TTC17: variants seen among roughly 807,000 people sequenced by gnomAD.
TTC17 encodes the protein tetratricopeptide repeat protein 17.
Under a neutral mutation model 143.8 loss-of-function variants are expected in TTC17, and 58 were observed. The observed-to-expected ratio is 0.40, with a 90% CI of 0.33 to 0.50. The LOEUF (loss-of-function observed/expected upper bound fraction) is 0.50, where lower values mean the gene tolerates loss of function less well. TTC17 is among the 20% of genes least tolerant of loss of function. The pLI is 0.49. For missense variants in TTC17, 1,273 were observed against 1,392.5 expected (o/e 0.91, Z 1.37); for synonymous variants, 501 against 497.8 (o/e 1.01, Z -0.09).
chr11:43,377,365 A>G (rs951000287), intron 1 of TTC17, among the ~76,000 whole-genome samples: 1 of 152,208 alleles, frequency 6.6e-6, no homozygotes, highest in African/African-American at 2.4e-5. Context: ...CTGAAATGTT[A>G]TTTGGCATAT....
intron 1 of TTC17, 109 bp downstream of exon 1, chr11:43,359,222 C>A: frequency 7.4e-7 from 1 of 1,355,152 alleles, no homozygotes; most frequent in Non-Finnish European, 9.7e-7. Context: ...CCAGCCTACC[C>A]TCACAGGGAG....
At chr11:43,458,281 T>C (rs1224092355) in intron 21 of TTC17, among the ~76,000 whole-genome samples, 1 of 152,162 alleles carries the variant, frequency 6.6e-6, no homozygotes, top group East Asian at 1.9e-4. Context: ...GCTCCATCTC[T>C]ACATGGTCTC....
chr11:43,371,371 C>T (rs1247979730), intron 1 of TTC17, among the ~76,000 whole-genome samples: 2 of 152,202 alleles, frequency 1.3e-5, no homozygotes, highest in East Asian at 3.8e-4. Context: ...AGTTGGGGCT[C>T]CCATAGCTGC....
chr11:43,480,018 C>T (rs374541088), intron 21 of TTC17, among the ~76,000 whole-genome samples: 1 of 152,186 alleles, frequency 6.6e-6, no homozygotes, highest in African/African-American at 2.4e-5. Context: ...TCCCTTCTCC[C>T]TCTTGCCTTC....
At chr11:43,475,718 A>C (rs759398128) in intron 21 of TTC17, among the ~76,000 whole-genome samples, 1 of 152,234 alleles carries the variant, frequency 6.6e-6, no homozygotes, top group Non-Finnish European at 1.5e-5. Flanking sequence ...TGAGCATTTC[A>C]GTTATCACGT....
intron 21 of TTC17, among the ~76,000 whole-genome samples, chr11:43,469,229 G>A (rs1441238808): frequency 6.6e-6 from 1 of 152,202 alleles, no homozygotes; most frequent in Non-Finnish European, 1.5e-5. Context: ...ACAAATGTTG[G>A]AGAGGATGTG....
At chr11:43,381,171 T>C (rs760258112) in intron 2 of TTC17, among the ~76,000 whole-genome samples, 8 of 152,188 alleles carry the variant, frequency 5.3e-5, no homozygotes, top group African/African-American at 1.9e-4. Flanking sequence ...TTTATACTTA[T>C]ACTAAATATA....
intron 21 of TTC17, among the ~76,000 whole-genome samples, chr11:43,482,285 A>G (rs1027637796): frequency 4.6e-5 from 7 of 150,712 alleles, no homozygotes; most frequent in African/African-American, 1.7e-4. Flanking sequence ...TTTTAATATA[A>G]GCTTGTATTA....
At chr11:43,364,530 T>G (rs1856252953) in intron 1 of TTC17, among the ~76,000 whole-genome samples, 1 of 152,250 alleles carries the variant, frequency 6.6e-6, no homozygotes, top group African/African-American at 2.4e-5. Context: ...GTTTATACAC[T>G]TCCAGGATTT....
At chr11:43,382,088 C>T (rs1393472236) in intron 2 of TTC17, among the ~76,000 whole-genome samples, 3 of 152,164 alleles carry the variant, frequency 2.0e-5, no homozygotes, top group African/African-American at 7.2e-5. Context: ...AACAGTTTAT[C>T]TACCAAGTAG....
At chr11:43,404,901 C>G (rs916256884) in intron 11 of TTC17, among the ~76,000 whole-genome samples, 3 of 151,966 alleles carry the variant, frequency 2.0e-5, no homozygotes, top group African/African-American at 7.2e-5. Context: ...GACCTTAGTT[C>G]AGGGAAAAGT....
intron 15 of TTC17, among the ~76,000 whole-genome samples, chr11:43,412,525 A>G (rs1364074895): frequency 6.6e-6 from 1 of 152,180 alleles, no homozygotes; most frequent in African/African-American, 2.4e-5. Flanking sequence ...CAATATTTAT[A>G]TACTGATTAC....
At chr11:43,364,023 C>T (rs1222902821) in intron 1 of TTC17, among the ~76,000 whole-genome samples, 1 of 148,924 alleles carries the variant, frequency 6.7e-6, no homozygotes, top group Non-Finnish European at 1.5e-5. Flanking sequence ...CCGGTCAGGC[C>T]GGTATCTTCG....
intron 1 of TTC17, among the ~76,000 whole-genome samples, chr11:43,376,573 T>A (rs1313304880): frequency 6.6e-6 from 1 of 152,174 alleles, no homozygotes; most frequent in Non-Finnish European, 1.5e-5. Flanking sequence ...TTAACCTACC[T>A]CTCTGTAATT....
intron 21 of TTC17, among the ~76,000 whole-genome samples, chr11:43,469,940 C>G (rs147356412): frequency 6.6e-6 from 1 of 152,260 alleles, no homozygotes; most frequent in South Asian, 2.1e-4. Flanking sequence ...AGAAGGAAAA[C>G]TATCCCACAT....
intron 16 of TTC17, among the ~76,000 whole-genome samples, chr11:43,423,658 A>G (rs1946959200): frequency 6.6e-6 from 1 of 152,214 alleles, no homozygotes; most frequent in Admixed American, 6.5e-5. Context: ...TAGCTGGTAC[A>G]TAAAACCTCT....
At chr11:43,406,508 A>G (rs531212433) in intron 13 of TTC17, among the ~76,000 whole-genome samples, 1 of 152,118 alleles carries the variant, frequency 6.6e-6, no homozygotes, top group South Asian at 2.1e-4. Flanking sequence ...ATATCATTCC[A>G]TAGATAAAAA....
At chr11:43,412,009 A>G (rs1164911744) in intron 15 of TTC17, among the ~76,000 whole-genome samples, 6 of 152,190 alleles carry the variant, frequency 3.9e-5, no homozygotes, top group African/African-American at 1.2e-4. Flanking sequence ...GATCTTTTTA[A>G]CTATTTTTAA....
At chr11:43,362,189 G>A (rs1053886654) in intron 1 of TTC17, among the ~76,000 whole-genome samples, 3 of 136,786 alleles carry the variant, frequency 2.2e-5, no homozygotes, top group Admixed American at 7.3e-5. Context: ...GTGTGTGTGT[G>A]TGTGTATTTT....
Sources: allele counts gnomAD v4.1 joint callset (sites outside exome capture counted in the v4.1 genomes callset), GRCh38; gene constraint gnomAD v4.1.1; transcripts MANE v1.5; gene names NCBI Gene and HGNC (gene_info 2026-07-23, HGNC 2026-07-21).